The following AKAP12 variants were observed in gnomAD, a reference collection of about 807,000 sequenced individuals.
AKAP12 encodes A-kinase anchoring protein 12.
AKAP12 carries 32 observed loss-of-function variants against 79.9 expected under a neutral mutation model. The ratio of observed to expected loss-of-function variants is 0.40; its 90% CI spans 0.30 to 0.54. The LOEUF is 0.54. Ranked by LOEUF, AKAP12 falls within the 20% of genes least tolerant of loss-of-function variation. The pLI is 0.48. For missense variants in AKAP12, 2,074 were observed against 2,177.0 expected, an observed-to-expected ratio of 0.95 and a Z score of 0.94; for synonymous variants, 808 against 857.0, an observed-to-expected ratio of 0.94 and a Z score of 1.00.
intron 2 of AKAP12, among the ~76,000 whole-genome samples, chr6:151,271,877 C>T (rs1776190798): frequency 6.6e-6 from 1 of 152,018 alleles, no homozygotes; most frequent in Admixed American, 6.6e-5. Context: ...CCAGGTTGGT[C>T]TCGAACTCCT....
chr6:151,274,479 C>T lies in AKAP12; in HGVS notation c.163-31268C>T, dbSNP rs373147667. 5.3e-5 allele frequency among the ~76,000 whole-genome samples: 8 copies of T among 152,000 alleles called. No homozygotes were observed. The East Asian group carries it at 9.6e-4, about 18-fold the overall frequency. Reference sequence around the variant, plus strand: ...GGTTTAAAATTATAGATCATGATTTCGTTAAAGTGTATCAGAAACATTTTG... The same window carrying T: ...GGTTTAAAATTATAGATCATGATTTTGTTAAAGTGTATCAGAAACATTTTG... On this transcript the variant is annotated intron_variant, in intron 2 of 4. Coordinates refer to ENST00000402676, the MANE Select transcript of AKAP12 (RefSeq NM_005100.4).
intron 3 of AKAP12, 28 bp from the exon 4 acceptor site, chr6:151,348,683 C>CCA: frequency 1.3e-5 from 3 of 223,838 alleles, no homozygotes; most frequent in African/African-American, 2.9e-5. Context: ...TCTCTTCTCC[C>CCA]CACCCCCCCG....
At chr6:151,273,423 A>G (rs148715917) in intron 2 of AKAP12, among the ~76,000 whole-genome samples, 2 of 152,306 alleles carry the variant, frequency 1.3e-5, no homozygotes, top group Non-Finnish European at 2.9e-5. Context: ...CATTGCCAGT[A>G]TATTCACATC....
At position 151,337,512 on chromosome 6, in the gene AKAP12, GA is replaced by G. The variant is rs565900855; in HGVS notation, c.320-11184del. ...GCTGGGCAATAAGAGTTTCCGTCTC[GA>G]AAAAAAAAAAAAAAGAAAGAAAGAA... is the stretch of plus-strand genomic sequence containing the variant. On this transcript the variant is annotated intron_variant, in intron 3 of 4. Coordinates refer to ENST00000402676, the MANE Select transcript of AKAP12 (RefSeq NM_005100.4). 1.0e-3 allele frequency among the ~76,000 whole-genome samples: 103 copies of G among 101,748 alleles called. 1 individual carries two copies. Among genetic ancestry groups the G allele is most frequent in the Non-Finnish European group, 1.2e-3 (63 of 53,218 alleles). 66.8% of individuals were successfully genotyped at this position (101,748 alleles called of 152,430 possible). A position where few individuals can be genotyped will look rare whatever the true frequency, so the allele number is the denominator to read the frequency against.
intron 2 of AKAP12, among the ~76,000 whole-genome samples, chr6:151,243,002 A>G (rs1011914441): frequency 2.0e-5 from 3 of 152,240 alleles, no homozygotes; most frequent in Admixed American, 1.3e-4. Flanking sequence ...TGATTATGAT[A>G]GTGACTAAGG....
intron 3 of AKAP12, chr6:151,325,964 T>A (rs1187752426): frequency 6.8e-6 from 11 of 1,606,642 alleles, no homozygotes; most frequent in Non-Finnish European, 9.4e-6. Context: ...TTCCGTTGAA[T>A]GAGCGTTTGG....
Position 151,350,152 on chromosome 6 carries a change from G to A in AKAP12, c.1761G>A (p.Gln587=). 1 of 1,614,070 alleles carries A rather than the reference G, an allele frequency of 6.2e-7. No homozygotes were observed. The highest frequency in any genetic ancestry group is 8.5e-7 in the Non-Finnish European group (1 of 1,180,004). The change falls in exon 4 of 5, where the codon CAG becomes CAA. Residue 587 remains glutamine, a synonymous_variant. Transcript: ENST00000402676. The surrounding 1 kb of genome is among the most constrained non-coding windows in gnomAD (Gnocchi z 4.8). ...TGGAAAAGGGCTTAGCCGAGGTGCA[G>A]CAGGATGGGGAAGCTGAAGAAGGAG... ...TCLEKGLAEV[Q]QDGEAEEGAT... is the part of the protein sequence containing the mutation.
chr6:151,272,959 G>T (rs1245654142), intron 2 of AKAP12, among the ~76,000 whole-genome samples: 4 of 152,212 alleles, frequency 2.6e-5, no homozygotes, highest in African/African-American at 9.7e-5. Flanking sequence ...TCTGGCTGGA[G>T]TGCAGTGGTG....
chr6:151,248,251 G>A (rs1226122149), intron 2 of AKAP12, among the ~76,000 whole-genome samples: 1 of 149,422 alleles, frequency 6.7e-6, no homozygotes, highest in Non-Finnish European at 1.5e-5. Context: ...GCAATCTCAG[G>A]GTCTGGGATT....
intron 3 of AKAP12, among the ~76,000 whole-genome samples, chr6:151,328,549 A>C (rs571830621): frequency 1.3e-5 from 2 of 150,974 alleles, no homozygotes; most frequent in East Asian, 3.9e-4. Context: ...AGGCAGGAGA[A>C]TTGCTTGAAC....
chr6:151,336,433 G>GT (rs1777816711), intron 3 of AKAP12, among the ~76,000 whole-genome samples: 1 of 152,184 alleles, frequency 6.6e-6, no homozygotes, highest in Non-Finnish European at 1.5e-5. Flanking sequence ...AACATCTGTT[G>GT]TTTTTTGACT....
rs367724826 is a variant in AKAP12 at position 151,351,869 on chromosome 6, C to T, written c.3478C>T (p.Pro1160Ser). 8.7e-6 allele frequency: 14 copies of T among 1,613,908 alleles called. No homozygotes were observed. Among genetic ancestry groups the T allele is most frequent in the African/African-American group, 5.3e-5 (4 of 74,868 alleles). Residue 1160 changes from proline (P) to serine (S), a missense_variant, in exon 4 of 5, where the codon CCT (proline) becomes TCT (serine). By Grantham distance (74) the Pro-to-Ser change is moderately conservative. Around this residue, in one of 3 missense-constraint regions of AKAP12, gnomAD observed 1,428 missense variants for 1,451.0 expected, o/e 0.98. Coordinates refer to ENST00000402676, the MANE Select transcript of AKAP12 (RefSeq NM_005100.4). The surrounding 1 kb of genome is among the most constrained non-coding windows in gnomAD (Gnocchi z 4.4). ...QEMVMEQAIP[P>S]DSVETPTDSE... The stretch of plus-strand genomic sequence containing the variant: ...GATGGTGATGGAACAGGCTATCCCC[C>T]CTGACTCGGTGGAAACCCCTACAGA...
chr6:151,247,573 T>C (rs138555732), intron 2 of AKAP12, among the ~76,000 whole-genome samples: 15 of 152,324 alleles, frequency 9.8e-5, no homozygotes, highest in African/African-American at 3.1e-4. Context: ...TTTATTTGCT[T>C]GGAGGATGAC....
At position 151,240,366 on chromosome 6, in the gene AKAP12, T is replaced by C; in HGVS notation, c.-179-18T>C. The C allele has an allele frequency of 4.0e-6, 2 of 493,950 alleles. No homozygotes were observed. The highest frequency in any genetic ancestry group is 6.5e-6 in the Non-Finnish European group (2 of 308,234). 30.6% of individuals were successfully genotyped at this position (493,950 alleles called of 1,614,324 possible). A position where few individuals can be genotyped will look rare whatever the true frequency, so the allele number is the denominator to read the frequency against. ...AGGCTAAGAGGTGGCCTTTTTTTTT[T>C]TTTCCTTTTCTTTTAAGGAGTTTGC... On this transcript the variant is annotated intron_variant, in intron 1 of 4. Coordinates refer to ENST00000402676, the MANE Select transcript of AKAP12 (RefSeq NM_005100.4).
In AKAP12 at chr6:151,352,560, G is replaced by T. The variant is rs1344977198; in HGVS notation, c.4169G>T (p.Ser1390Ile). The change falls in exon 4 of 5, where the codon AGC becomes ATC. Residue 1390 changes from serine to isoleucine, a missense_variant. Physicochemically the swap from Ser to Ile is moderately radical, Grantham distance 142 (BLOSUM62 -2). Around this residue, in one of 3 missense-constraint regions of AKAP12, gnomAD observed 614 missense variants for 665.6 expected, o/e 0.92. Coordinates refer to ENST00000402676, the MANE Select transcript of AKAP12 (RefSeq NM_005100.4). ...ATCATAGATGGGGCAAAGGAAGTCAGCAGTTTGGAAGGAAGCCCTCCTCCC... is the reference window on the plus strand; with the variant it reads ...ATCATAGATGGGGCAAAGGAAGTCATCAGTTTGGAAGGAAGCCCTCCTCCC... ...VPIIDGAKEV[S>I]SLEGSPPPCL... 6.2e-7 allele frequency: 1 copy of T among 1,614,196 alleles called. No homozygotes were observed. The highest frequency in any genetic ancestry group is 1.7e-5 in the Admixed American group (1 of 60,018).
At chr6:151,354,364 TTTTTG>T (rs58313720) in intron 4 of AKAP12, among the ~76,000 whole-genome samples, 81,907 of 135,098 alleles carry the variant, frequency 0.61, 24,159 homozygotes, top group Non-Finnish European at 0.68. Flanking sequence ...ATCTTTGTGG[TTTTTG>T]TTTTGTTTTG....
At position 151,350,042 on chromosome 6, in the gene AKAP12, C is replaced by G. The variant is rs1464906770; in HGVS notation, c.1651C>G (p.Pro551Ala). ...GGAATCAGGGGAGCACACTCAGGTT[C>G]CAGCCGATTCTCCGGACAGCCAGGA... ...DEESGEHTQV[P>A]ADSPDSQEEQ... Residue 551 changes from proline (P) to alanine (A), a missense_variant, in exon 4 of 5, where the codon CCA becomes GCA. Physicochemically the swap from Pro to Ala is conservative, Grantham distance 27. Coordinates refer to ENST00000402676, the MANE Select transcript of AKAP12 (RefSeq NM_005100.4). This position sits in a 1 kb window ranked among gnomAD's most constrained non-coding sequence, Gnocchi z 4.8. 6.2e-7 allele frequency: 1 copy of G among 1,613,932 alleles called. No individual in the cohort carries two copies. The highest frequency in any genetic ancestry group is 1.3e-5 in the African/African-American group (1 of 74,878).
chr6:151,272,971 A>C (rs1776220537), intron 2 of AKAP12, among the ~76,000 whole-genome samples: 1 of 152,156 alleles, frequency 6.6e-6, no homozygotes, highest in African/African-American at 2.4e-5. Context: ...GCAGTGGTGC[A>C]ATCTCAACTC....
chr6:151,270,929 C>T (rs974140613), intron 2 of AKAP12, among the ~76,000 whole-genome samples: 1 of 152,132 alleles, frequency 6.6e-6, no homozygotes. Flanking sequence ...TCGTAGCAAT[C>T]GAAGCAGACT....
Sources: gnomAD v4.1 joint callset for allele counts (sites outside exome capture counted in the v4.1 genomes callset) on GRCh38, gnomAD v4.1.1 for gene constraint, gnomAD v4.1.1 regional missense constraint, Gnocchi (gnomAD v3.1) non-coding constraint, MANE v1.5 for transcripts, NCBI Gene and HGNC (gene_info 2026-07-23, HGNC 2026-07-21) for gene names.